The following TAFA2 variants were observed in gnomAD, a reference collection of about 807,000 sequenced individuals.
TAFA2 encodes chemokine-like protein TAFA-2.
A neutral mutation model predicts 18.8 loss-of-function variants in TAFA2; 7 were observed. The observed-to-expected ratio is 0.37, with a 90% CI of 0.21 to 0.70. The LOEUF is 0.70. Ranked by LOEUF, TAFA2 falls within the 30% of genes least tolerant of loss-of-function variation. The probability of loss-of-function intolerance (pLI) is 0.53; values close to 1 mark genes in which losing one functional copy is unlikely to be tolerated. For synonymous variants in TAFA2, 60 were observed against 54.2 expected (o/e 1.11, Z -0.47); for missense variants, 122 against 158.1 (o/e 0.77, Z 1.23).
At position 61,903,685 on chromosome 12, in the gene TAFA2, G is replaced by C. The variant is rs1876213842; in HGVS notation, c.-1-36259C>G. ...TTTCATGTCAAATTTTAAAATATTG[G>C]ATAAATTGCTTGATTTGCGTGCTAT... On this transcript the variant is annotated intron_variant, in intron 1 of 4. Coordinates refer to ENST00000416284, the MANE Select transcript of TAFA2 (RefSeq NM_178539.5). Among the ~76,000 whole-genome samples, 3 of 152,050 alleles carry C rather than the reference G, an allele frequency of 2.0e-5. 1 individual carries two copies. Among genetic ancestry groups the C allele is most frequent in the Admixed American group, 2.0e-4 (3 of 15,250 alleles).
At chr12:61,914,635 T>G (rs938648266) in intron 1 of TAFA2, among the ~76,000 whole-genome samples, 2 of 152,198 alleles carry the variant, frequency 1.3e-5, no homozygotes, top group African/African-American at 4.8e-5. Context: ...TTACTCTCAT[T>G]GCTAGATAGT....
chr12:62,054,577 A>C (rs1882138965), intron 1 of TAFA2, among the ~76,000 whole-genome samples: 1 of 152,230 alleles, frequency 6.6e-6, no homozygotes, highest in South Asian at 2.1e-4. Flanking sequence ...AAGCAAAAGC[A>C]ATATAATGGT....
intron 2 of TAFA2, among the ~76,000 whole-genome samples, chr12:61,780,564 T>C (rs1224350734): frequency 1.3e-5 from 2 of 151,790 alleles, no homozygotes; most frequent in East Asian, 2.0e-4. Flanking sequence ...AATATCTTTC[T>C]CAAGGGCCCT....
At chr12:61,980,303 T>C (rs1277821401) in intron 1 of TAFA2, among the ~76,000 whole-genome samples, 2 of 152,168 alleles carry the variant, frequency 1.3e-5, no homozygotes, top group Non-Finnish European at 2.9e-5. Context: ...AGAATGAATG[T>C]ATCTCAAAAT....
intron 1 of TAFA2, among the ~76,000 whole-genome samples, chr12:62,029,392 T>C (rs780605047): frequency 9.2e-5 from 14 of 152,140 alleles, no homozygotes; most frequent in Non-Finnish European, 1.6e-4. Flanking sequence ...ATTTTATTGA[T>C]AAGAAAATTA....
chr12:61,938,230 T>TAAAAAA (rs1157161976), intron 1 of TAFA2, among the ~76,000 whole-genome samples: 3 of 98,480 alleles, frequency 3.0e-5, no homozygotes, highest in Non-Finnish European at 6.0e-5. Context: ...ATAGATATGG[T>TAAAAAA]AAAAAAAAAA....
intron 1 of TAFA2, among the ~76,000 whole-genome samples, chr12:61,953,722 C>T (rs1878548819): frequency 6.6e-6 from 1 of 152,126 alleles, no homozygotes; most frequent in Non-Finnish European, 1.5e-5. Flanking sequence ...CTTCCCCAAC[C>T]TTGAAGCTCC....
At chr12:62,063,363 CAG>C (rs759414024) in intron 1 of TAFA2, among the ~76,000 whole-genome samples, 12 of 152,158 alleles carry the variant, frequency 7.9e-5, no homozygotes, top group Non-Finnish European at 1.2e-4. Flanking sequence ...TCTATCTACT[CAG>C]AGTTATGAAT....
In TAFA2 at chr12:61,902,433, G is replaced by T. The variant is rs868488244; in HGVS notation, c.-1-35007C>A. Among the ~76,000 whole-genome samples, 7 of 152,188 alleles carry T rather than the reference G, an allele frequency of 4.6e-5. 1 individual carries two copies. The South Asian group carries it at 1.2e-3, about 27-fold the overall frequency. On this transcript the variant is annotated intron_variant, in intron 1 of 4. Transcript: ENST00000416284. ...TTAACTTTGCTGTCTGCCTCTTCCTGGCCTCTCTGTAACATGAACACAGTT... is the reference window on the plus strand; with the variant it reads ...TTAACTTTGCTGTCTGCCTCTTCCTTGCCTCTCTGTAACATGAACACAGTT...
At chr12:61,779,346 CA>C in intron 2 of TAFA2, among the ~76,000 whole-genome samples, 1 of 151,820 alleles carries the variant, frequency 6.6e-6, no homozygotes, top group East Asian at 2.0e-4. Flanking sequence ...AGAAACCCCT[CA>C]GAAAGAATCA....
At chr12:62,134,273 G>A (rs1212886682) in intron 1 of TAFA2, among the ~76,000 whole-genome samples, 1 of 151,876 alleles carries the variant, frequency 6.6e-6, no homozygotes, top group Non-Finnish European at 1.5e-5. Flanking sequence ...ATTAGAGGTG[G>A]GGCTTTGGGA....
intron 1 of TAFA2, chr12:62,021,444 C>T: frequency 2.1e-6 from 1 of 480,638 alleles, no homozygotes; most frequent in East Asian, 4.5e-5. Flanking sequence ...CCACCCTTTC[C>T]CCCAAGACCC....
chr12:61,811,578 T>C lies in TAFA2; in HGVS notation c.106+55742A>G, dbSNP rs962956078. ...AATCTAGTTGGGAACATGAGCCATA[T>C]ACAAAAATAACCACTATATATCTGT... On this transcript the variant is annotated intron_variant, in intron 2 of 4. Transcript: ENST00000416284. 8.6e-5 allele frequency among the ~76,000 whole-genome samples: 13 copies of C among 151,438 alleles called. 1 individual carries two copies. Among genetic ancestry groups the C allele is most frequent in the African/African-American group, 3.2e-4 (13 of 40,762 alleles).
At chr12:61,959,310 C>A (rs971776473) in intron 1 of TAFA2, among the ~76,000 whole-genome samples, 2 of 151,922 alleles carry the variant, frequency 1.3e-5, no homozygotes, top group Non-Finnish European at 2.9e-5. Flanking sequence ...GCATGCTATG[C>A]CTAATCCTTT....
intron 4 of TAFA2, among the ~76,000 whole-genome samples, chr12:61,725,895 C>T (rs930944612): frequency 4.0e-5 from 6 of 151,888 alleles, no homozygotes; most frequent in East Asian, 1.9e-4. Flanking sequence ...AAGAATGATA[C>T]AATAAACTTT....
In TAFA2 at chr12:61,849,122, G is replaced by A. The variant is rs551073108; in HGVS notation, c.106+18198C>T. 4.4e-3 allele frequency among the ~76,000 whole-genome samples: 670 copies of A among 152,210 alleles called. 4 individuals are homozygous for A. The highest frequency in any genetic ancestry group is 0.017 in the Middle Eastern group (5 of 292). On this transcript the variant is annotated intron_variant, in intron 2 of 4. Coordinates refer to ENST00000416284, the MANE Select transcript of TAFA2 (RefSeq NM_178539.5). ...GCCTTCCAGAGTGCTGGAATTACAG[G>A]CATGAGTCACTGCGCCCGGCCATGG...
chr12:62,194,727 C>T (rs575929593), upstream of TAFA2, among the ~76,000 whole-genome samples: 1 of 152,266 alleles, frequency 6.6e-6, no homozygotes, highest in South Asian at 2.1e-4. Context: ...CCTAATTTAA[C>T]AGAAATTTTT....
intron 1 of TAFA2, among the ~76,000 whole-genome samples, chr12:62,003,373 C>T (rs1170312030): frequency 6.6e-6 from 1 of 152,068 alleles, no homozygotes; most frequent in East Asian, 1.9e-4. Context: ...TAAACTGGGC[C>T]CCTCACTGTT....
intron 2 of TAFA2, among the ~76,000 whole-genome samples, chr12:61,792,837 C>CT (rs1187279678): frequency 5.3e-5 from 8 of 151,392 alleles, no homozygotes; most frequent in Admixed American, 4.0e-4. Flanking sequence ...TTAAACACCT[C>CT]TATCTTTAAA....
Sources: allele counts gnomAD v4.1 joint callset (sites outside exome capture counted in the v4.1 genomes callset), GRCh38; gene constraint gnomAD v4.1.1; transcripts MANE v1.5; gene names NCBI Gene and HGNC (gene_info 2026-07-23, HGNC 2026-07-21).